The following ARFGEF2 variants were observed in gnomAD, a reference collection of about 807,000 sequenced individuals.
The protein encoded by ARFGEF2 is brefeldin A-inhibited guanine nucleotide-exchange protein 2.
Under a neutral mutation model 219.9 loss-of-function variants are expected in ARFGEF2, and 74 were observed. The ratio of observed to expected loss-of-function variants is 0.34; its 90% CI spans 0.28 to 0.41. The LOEUF (loss-of-function observed/expected upper bound fraction) is 0.41, where lower values mean the gene tolerates loss of function less well. Ranked by LOEUF, ARFGEF2 falls within the 10% of genes least tolerant of loss-of-function variation. ARFGEF2 has a pLI of 1.00. For synonymous variants in ARFGEF2, 733 were observed against 799.2 expected (o/e 0.92, Z 1.40); for missense variants, 1,743 against 2,218.3 (o/e 0.79, Z 4.30).
chr20:49,029,678 A>G (rs2091622371), intron 37 of ARFGEF2, among the ~76,000 whole-genome samples: 2 of 150,212 alleles, frequency 1.3e-5, no homozygotes, highest in African/African-American at 2.5e-5. Context: ...TGCAAGGTCC[A>G]CTTCCTGGGT....
At chr20:48,994,219 A>G (rs1009469781) in intron 21 of ARFGEF2, among the ~76,000 whole-genome samples, 1 of 152,142 alleles carries the variant, frequency 6.6e-6, no homozygotes, top group Non-Finnish European at 1.5e-5. Context: ...GGGTGGAAAA[A>G]GGAGGTGGGG....
At chr20:48,932,605 C>T (rs2090920262) in intron 1 of ARFGEF2, among the ~76,000 whole-genome samples, 1 of 152,098 alleles carries the variant, frequency 6.6e-6, no homozygotes, top group Admixed American at 6.5e-5. Flanking sequence ...GATTGCGTGT[C>T]ATCTGATAAT....
At chr20:48,948,641 CT>C (rs1243474229) in intron 3 of ARFGEF2, among the ~76,000 whole-genome samples, 1 of 152,186 alleles carries the variant, frequency 6.6e-6, no homozygotes, top group Non-Finnish European at 1.5e-5. Context: ...ACAGTATGTC[CT>C]ATTCTGTACC....
chr20:49,010,469 G>A (rs1193726684), intron 27 of ARFGEF2, 65 bp downstream of exon 27: 3 of 1,589,888 alleles, frequency 1.9e-6, no homozygotes, highest in Admixed American at 1.7e-5. Context: ...GTCACTTGCT[G>A]TCTATTTTAC....
chr20:48,995,271 T>C (rs2091379302), intron 22 of ARFGEF2, among the ~76,000 whole-genome samples: 1 of 152,154 alleles, frequency 6.6e-6, no homozygotes, highest in South Asian at 2.1e-4. Flanking sequence ...CCCTAAGCCA[T>C]CCAACTACGG....
chr20:49,027,393 A>T (rs958898469), intron 36 of ARFGEF2, among the ~76,000 whole-genome samples: 1 of 152,166 alleles, frequency 6.6e-6, no homozygotes, highest in Non-Finnish European at 1.5e-5. Context: ...CCAGCCAATA[A>T]GCAAAGTCTA....
chr20:48,990,441 CTG>C (rs1411045246), intron 20 of ARFGEF2, among the ~76,000 whole-genome samples: 1 of 152,128 alleles, frequency 6.6e-6, no homozygotes, highest in Non-Finnish European at 1.5e-5. Context: ...AATTCTGAAA[CTG>C]TTACGAAATT....
At chr20:49,029,261 T>C (rs2091620182) in intron 37 of ARFGEF2, among the ~76,000 whole-genome samples, 1 of 152,172 alleles carries the variant, frequency 6.6e-6, no homozygotes, top group Non-Finnish European at 1.5e-5. Context: ...CTCTAAGGTA[T>C]AAAAACAGTA....
At chr20:49,024,405 G>T (rs1412730223) in intron 35 of ARFGEF2, among the ~76,000 whole-genome samples, 1 of 152,164 alleles carries the variant, frequency 6.6e-6, no homozygotes, top group Non-Finnish European at 1.5e-5. Flanking sequence ...GAGGCAGGCT[G>T]GGTAAGGATT....
At chr20:48,956,067 C>A (rs183832618) in intron 6 of ARFGEF2, among the ~76,000 whole-genome samples, 1 of 152,176 alleles carries the variant, frequency 6.6e-6, no homozygotes, top group Non-Finnish European at 1.5e-5. Flanking sequence ...AAGGGAGACA[C>A]GTACCCAGGG....
Position 48,966,028 on chromosome 20 carries a change from GT to G in ARFGEF2, c.1059+7del. The stretch of plus-strand genomic sequence containing the variant: ...TTGTCGTCAGCAGATAATCTGGTAT[GT>G]TGGTGATCATCCTCTGTGGACTTAT... On this transcript the variant is annotated splice_donor_region_variant and intron_variant, in intron 8 of 38. Transcript: ENST00000371917. 1 of 1,614,008 alleles carries G rather than the reference GT, an allele frequency of 6.2e-7. No individual in the cohort carries two copies. Among genetic ancestry groups the G allele is most frequent in the Non-Finnish European group, 8.5e-7 (1 of 1,179,890 alleles).
At chr20:49,024,825 G>A (rs537552097) in intron 35 of ARFGEF2, among the ~76,000 whole-genome samples, 71 of 152,118 alleles carry the variant, frequency 4.7e-4, no homozygotes, top group South Asian at 2.1e-3. Flanking sequence ...GTGAAACCCC[G>A]TCTTTACTAA....
At chr20:48,995,308 T>C (rs2091379501) in intron 22 of ARFGEF2, among the ~76,000 whole-genome samples, 1 of 151,940 alleles carries the variant, frequency 6.6e-6, no homozygotes, top group African/African-American at 2.4e-5. Context: ...TCCCATTTAG[T>C]GAGTGGAATA....
intron 33 of ARFGEF2, among the ~76,000 whole-genome samples, chr20:49,018,219 T>G (rs116797726): frequency 0.013 from 2,049 of 152,208 alleles, 56 homozygotes; most frequent in African/African-American, 0.046. Flanking sequence ...TGCTGTTAAA[T>G]TTTTTTATTT....
At chr20:48,964,303 G>A (rs1468948226) in intron 7 of ARFGEF2, among the ~76,000 whole-genome samples, 5 of 152,220 alleles carry the variant, frequency 3.3e-5, no homozygotes, top group Non-Finnish European at 1.5e-5. Context: ...TATTCGGGAG[G>A]CTGAGGCAGG....
chr20:48,942,510 G>A, intron 3 of ARFGEF2, among the ~76,000 whole-genome samples: 1 of 128,198 alleles, frequency 7.8e-6, no homozygotes, highest in East Asian at 2.2e-4. Flanking sequence ...TGGAGATGGA[G>A]GTTTGCTCTT....
At chr20:48,974,118 ATTTT>A (rs57941437) in intron 12 of ARFGEF2, among the ~76,000 whole-genome samples, 2 of 70,068 alleles carry the variant, frequency 2.9e-5, no homozygotes, top group African/African-American at 5.8e-5. Flanking sequence ...TTGAGTGTGA[ATTTT>A]TTTTTTTTTT....
At chr20:49,006,209 G>A (rs952937658) in intron 26 of ARFGEF2, among the ~76,000 whole-genome samples, 5 of 152,016 alleles carry the variant, frequency 3.3e-5, no homozygotes, top group South Asian at 2.1e-4. Context: ...CAGGAGAATC[G>A]CTTGAACCCG....
At chr20:48,973,857 C>A (rs2091243817) in intron 12 of ARFGEF2, among the ~76,000 whole-genome samples, 1 of 152,076 alleles carries the variant, frequency 6.6e-6, no homozygotes, top group Admixed American at 6.6e-5. Flanking sequence ...CTATGCTGTC[C>A]GAGTTGCTGT....
Sources: allele counts gnomAD v4.1 joint callset (sites outside exome capture counted in the v4.1 genomes callset), GRCh38; gene constraint gnomAD v4.1.1; transcripts MANE v1.5; gene names NCBI Gene and HGNC (gene_info 2026-07-23, HGNC 2026-07-21).